Variants in PTPRE observed in about 807,000 individuals in gnomAD.
PTPRE encodes protein tyrosine phosphatase receptor type E.
In PTPRE, 51 loss-of-function variants were observed where a neutral mutation model predicts 102.0. The observed-to-expected ratio is 0.50, with a 90% CI of 0.40 to 0.63. The LOEUF (loss-of-function observed/expected upper bound fraction) is 0.63. PTPRE is among the 30% of genes least tolerant of loss of function. PTPRE has a pLI of 0.00. For synonymous variants in PTPRE, 345 were observed against 348.2 expected (o/e 0.99, Z 0.10); for missense variants, 752 against 915.1 (o/e 0.82, Z 2.30).
chr10:128,076,615 C>CAGT lies in PTPRE; in HGVS notation c.1614_1616dup (p.Gln538_Tyr539insTer). 4 of 1,596,084 alleles carry CAGT rather than the reference C, an allele frequency of 2.5e-6. No individual in the cohort carries two copies. The highest frequency in any genetic ancestry group is 3.4e-6 in the Non-Finnish European group (4 of 1,175,628). The stretch of plus-strand genomic sequence containing the variant: ...TTTATCCCCTAAGGATAAATGCTAC[C>CAGT]AGTATTGGCCAACCGAGGGCTCAGT... On this transcript the variant is annotated stop_gained and inframe_insertion, in exon 18 of 21. Coordinates refer to ENST00000254667, the MANE Select transcript of PTPRE (RefSeq NM_006504.6). LOFTEE classifies it high-confidence loss of function.
At position 127,952,224 on chromosome 10, in the gene PTPRE, A is replaced by G. The variant is rs146694306; in HGVS notation, c.-30-30050A>G. On this transcript the variant is annotated intron_variant, in intron 1 of 20. Coordinates refer to ENST00000254667, the MANE Select transcript of PTPRE (RefSeq NM_006504.6). ...AAGGAACTTATGTATACAGTGATCC[A>G]TTTCCAAGACAAAGTGCCTTAAATC... Among the ~76,000 whole-genome samples, 987 of 152,310 alleles carry G rather than the reference A, an allele frequency of 6.5e-3. 8 individuals carry two copies. Among genetic ancestry groups the G allele is most frequent in the African/African-American group, 0.023 (949 of 41,560 alleles).
intron 3 of PTPRE, among the ~76,000 whole-genome samples, chr10:128,042,078 G>A (rs993211591): frequency 6.6e-5 from 10 of 152,176 alleles, no homozygotes; most frequent in South Asian, 2.1e-4. Flanking sequence ...GAAGCTGCCC[G>A]CAAATATTAA....
intron 1 of PTPRE, among the ~76,000 whole-genome samples, chr10:127,940,960 T>C (rs1308867675): frequency 6.6e-6 from 1 of 152,200 alleles, no homozygotes. Flanking sequence ...CAGAAAATGC[T>C]TGAAGACAAG....
At chr10:128,000,003 C>G (rs1202674203) in intron 2 of PTPRE, 1 of 974,236 alleles carries the variant, frequency 1.0e-6, no homozygotes, top group Non-Finnish European at 1.2e-6. Context: ...GGAAAGGGAT[C>G]CCCAGAATGT....
At chr10:127,966,159 G>T (rs1165952563) in intron 1 of PTPRE, among the ~76,000 whole-genome samples, 1 of 152,214 alleles carries the variant, frequency 6.6e-6, no homozygotes, top group African/African-American at 2.4e-5. Context: ...TGAGGAAGTG[G>T]AAGCTCAAAG....
At chr10:128,080,110 G>T (rs1851568782) in intron 20 of PTPRE, among the ~76,000 whole-genome samples, 1 of 152,186 alleles carries the variant, frequency 6.6e-6, no homozygotes, top group African/African-American at 2.4e-5. Context: ...CATGTGGCTT[G>T]TTTTCCCTGG....
At chr10:127,986,538 T>G (rs567285957) in intron 2 of PTPRE, among the ~76,000 whole-genome samples, 2 of 152,252 alleles carry the variant, frequency 1.3e-5, no homozygotes, top group Non-Finnish European at 2.9e-5. Flanking sequence ...GTGTGAATAT[T>G]CAGCAACTGT....
chr10:128,067,249 T>TGCAC, intron 11 of PTPRE, among the ~76,000 whole-genome samples: 5 of 86,072 alleles, frequency 5.8e-5, no homozygotes, highest in Admixed American at 1.1e-4. Context: ...CGCACACACA[T>TGCAC]TCATGCACAT....
At position 127,907,412 on chromosome 10, in the gene PTPRE, G is replaced by T; in HGVS notation, c.-31+103G>T. 1.1e-6 allele frequency: 1 copy of T among 885,026 alleles called. No homozygotes were observed. The highest frequency in any genetic ancestry group is 1.4e-6 in the Non-Finnish European group (1 of 739,104). The allele number at this position is 885,026 out of a possible 1,614,324, so 54.8% of individuals were successfully genotyped here. A position where few individuals can be genotyped will look rare whatever the true frequency, so the allele number is the denominator to read the frequency against. On this transcript the variant is annotated intron_variant, in intron 1 of 20. Coordinates refer to ENST00000254667, the MANE Select transcript of PTPRE (RefSeq NM_006504.6). This position sits in a 1 kb window ranked among gnomAD's most constrained non-coding sequence, Gnocchi z 4.8. ...GCTGCCTCGGCCGCTGCCGCGGGAG[G>T]GAGGGGCCGCTCCGGGGCTCAGAGT...
chr10:128,050,457 G>A (rs146879798), intron 6 of PTPRE, among the ~76,000 whole-genome samples: 2 of 151,310 alleles, frequency 1.3e-5, no homozygotes, highest in African/African-American at 2.4e-5. Context: ...GGATGGATGA[G>A]TGGGAGGGCA....
intron 1 of PTPRE, among the ~76,000 whole-genome samples, chr10:127,916,264 GT>G (rs925068170): frequency 2.6e-5 from 4 of 152,272 alleles, no homozygotes; most frequent in African/African-American, 9.6e-5. Flanking sequence ...CATGAGGGTG[GT>G]TTCCCCCATG....
At chr10:127,922,996 CA>C (rs945580412) in intron 1 of PTPRE, among the ~76,000 whole-genome samples, 4 of 152,246 alleles carry the variant, frequency 2.6e-5, no homozygotes, top group Admixed American at 6.5e-5. Context: ...ACCCCAGACC[CA>C]GCCCTTAGTG....
intron 1 of PTPRE, among the ~76,000 whole-genome samples, chr10:127,933,098 G>A (rs762353275): frequency 6.6e-6 from 1 of 152,164 alleles, no homozygotes; most frequent in Non-Finnish European, 1.5e-5. Flanking sequence ...GGGTGCACCC[G>A]GATGATCCAG....
intron 17 of PTPRE, among the ~76,000 whole-genome samples, chr10:128,074,720 T>C (rs1310375044): frequency 2.0e-5 from 3 of 152,064 alleles, no homozygotes; most frequent in Admixed American, 2.0e-4. Flanking sequence ...TGTATGGACA[T>C]GCTTTTTCAC....
rs1354237836 is a variant in PTPRE at position 127,923,553 on chromosome 10, G to A, written c.-31+16244G>A. Among the ~76,000 whole-genome samples, 8 of 151,888 alleles carry A rather than the reference G, an allele frequency of 5.3e-5. No individual in the cohort carries two copies. In the South Asian group the frequency reaches 1.2e-3, roughly 24 times the overall value. On this transcript the variant is annotated intron_variant, in intron 1 of 20. Coordinates refer to ENST00000254667, the MANE Select transcript of PTPRE (RefSeq NM_006504.6). Reference sequence around the variant, plus strand: ...TGAGTAGCTGGGATTACAGGCGCCCGCCACCATGCTTGGCTAATTTTTGTA... The same window carrying A: ...TGAGTAGCTGGGATTACAGGCGCCCACCACCATGCTTGGCTAATTTTTGTA...
intron 1 of PTPRE, among the ~76,000 whole-genome samples, chr10:127,925,375 C>A (rs907335422): frequency 3.4e-4 from 52 of 152,218 alleles, no homozygotes; most frequent in African/African-American, 1.2e-3. Context: ...TCTTTCCAAA[C>A]AGTATGTATG....
At chr10:127,940,151 A>T (rs1390022912) in intron 1 of PTPRE, among the ~76,000 whole-genome samples, 1 of 152,014 alleles carries the variant, frequency 6.6e-6, no homozygotes, top group Admixed American at 6.6e-5. Flanking sequence ...AGGCAAGAGG[A>T]TGCCAGCTGC....
At chr10:127,990,930 TA>T (rs1852584038) in intron 2 of PTPRE, among the ~76,000 whole-genome samples, 1 of 152,228 alleles carries the variant, frequency 6.6e-6, no homozygotes, top group African/African-American at 2.4e-5. Context: ...GCTTTGATTT[TA>T]AAACTCAAAC....
At chr10:127,953,354 C>T (rs201722715) in intron 1 of PTPRE, among the ~76,000 whole-genome samples, 1 of 152,224 alleles carries the variant, frequency 6.6e-6, no homozygotes, top group African/African-American at 2.4e-5. Context: ...CGGCCACTAC[C>T]TGCAGGTAAC....
Sources: gnomAD v4.1 joint callset for allele counts (sites outside exome capture counted in the v4.1 genomes callset) on GRCh38, gnomAD v4.1.1 for gene constraint, Gnocchi (gnomAD v3.1) non-coding constraint, MANE v1.5 for transcripts, NCBI Gene and HGNC (gene_info 2026-07-23, HGNC 2026-07-21) for gene names.